SLC39A11: variants seen among roughly 807,000 people sequenced by gnomAD.
The protein encoded by SLC39A11 is solute carrier family 39 member 11, also known as zinc transporter ZIP11.
SLC39A11 carries 33 observed loss-of-function variants against 36.1 expected under a neutral mutation model. That is an observed-to-expected ratio of 0.91 (90% CI 0.69 to 1.22). The LOEUF (loss-of-function observed/expected upper bound fraction) is 1.22. Ranked by LOEUF, SLC39A11 falls within the 50% of genes most tolerant of loss-of-function variation. The probability of loss-of-function intolerance (pLI) is 0.00; values close to 1 mark genes in which losing one functional copy is unlikely to be tolerated. For synonymous variants in SLC39A11, 166 were observed against 170.3 expected, an observed-to-expected ratio of 0.97 and a Z score of 0.20; for missense variants, 432 against 430.3, an observed-to-expected ratio of 1.00 and a Z score of -0.03.
At chr17:72,909,912 C>A (rs987030549) in intron 5 of SLC39A11, among the ~76,000 whole-genome samples, 9 of 146,116 alleles carry the variant, frequency 6.2e-5, no homozygotes, top group Admixed American at 1.4e-4. Flanking sequence ...CGCCCGGCTA[C>A]TTTTTTTTTT....
chr17:73,065,302 G>A (rs1043669899), intron 3 of SLC39A11, among the ~76,000 whole-genome samples: 4 of 152,160 alleles, frequency 2.6e-5, no homozygotes, highest in African/African-American at 9.7e-5. Context: ...CTACTCGGGA[G>A]GCTGAGGCAG....
intron 6 of SLC39A11, among the ~76,000 whole-genome samples, chr17:72,762,200 T>C (rs1215631616): frequency 2.6e-5 from 4 of 152,130 alleles, no homozygotes; most frequent in Admixed American, 1.3e-4. Context: ...CAGGATGAGA[T>C]AGGAGGTTGG....
At chr17:72,926,750 T>G (rs1221906368) in intron 5 of SLC39A11, among the ~76,000 whole-genome samples, 2 of 152,124 alleles carry the variant, frequency 1.3e-5, no homozygotes, top group Non-Finnish European at 2.9e-5. Flanking sequence ...TACGTTTTAA[T>G]TAGTTGTTAT....
chr17:73,051,226 CTGTT>C (rs922229667), intron 3 of SLC39A11, among the ~76,000 whole-genome samples: 3 of 151,790 alleles, frequency 2.0e-5, no homozygotes, highest in Non-Finnish European at 3.0e-5. Flanking sequence ...CCTCACCTGT[CTGTT>C]TGTCTGTGTC....
chr17:73,021,531 G>A (rs185017094), intron 4 of SLC39A11, among the ~76,000 whole-genome samples: 71 of 152,016 alleles, frequency 4.7e-4, no homozygotes, highest in Admixed American at 1.4e-3. Context: ...TAGTACAGAC[G>A]GGGTTTCACC....
chr17:72,777,974 G>A lies in SLC39A11; in HGVS notation c.602-41255C>T, dbSNP rs963481158. 1.2e-4 allele frequency among the ~76,000 whole-genome samples: 18 copies of A among 151,976 alleles called. 1 individual carries two copies. The highest frequency in any genetic ancestry group is 4.2e-4 in the South Asian group (2 of 4,818). The stretch of plus-strand genomic sequence containing the variant: ...GGCTGGAGTGCAGTGGTGCGATGTC[G>A]GCTCACTGCAACCTCCACCTCCCAG... On this transcript the variant is annotated intron_variant, in intron 6 of 9. Coordinates refer to ENST00000255559, the MANE Select transcript of SLC39A11 (RefSeq NM_139177.4).
chr17:72,862,483 T>C (rs569034014), intron 5 of SLC39A11, among the ~76,000 whole-genome samples: 20 of 152,304 alleles, frequency 1.3e-4, no homozygotes, highest in African/African-American at 4.8e-4. Context: ...GCAGAAACGT[T>C]TGCCAGGCTG....
rs2085539231 is a variant in SLC39A11 at position 72,947,931 on chromosome 17, A to G, written c.307-56T>C. On this transcript the variant is annotated intron_variant, in intron 4 of 9. Coordinates refer to ENST00000255559, the MANE Select transcript of SLC39A11 (RefSeq NM_139177.4). ...CACCACTACTGTGTTAATTCCCCAG[A>G]TGCTTCTGGCTCACGGGCGCCAAGG... 1.9e-6 allele frequency: 3 copies of G among 1,598,066 alleles called. No homozygotes were observed. In the Admixed American group the frequency reaches 5.0e-5, roughly 27 times the overall value.
intron 7 of SLC39A11, among the ~76,000 whole-genome samples, chr17:72,689,375 G>C (rs997163778): frequency 6.6e-6 from 1 of 152,216 alleles, no homozygotes; most frequent in Non-Finnish European, 1.5e-5. Flanking sequence ...AGGCCCGATG[G>C]GGCAGTTTTG....
At chr17:72,961,258 G>A (rs536345499) in intron 4 of SLC39A11, among the ~76,000 whole-genome samples, 7 of 152,320 alleles carry the variant, frequency 4.6e-5, no homozygotes, top group South Asian at 4.1e-4. Flanking sequence ...TGGAGAGGAC[G>A]TGGAGAAATA....
At chr17:72,826,442 C>T (rs961614463) in intron 6 of SLC39A11, among the ~76,000 whole-genome samples, 7 of 152,202 alleles carry the variant, frequency 4.6e-5, no homozygotes, top group Non-Finnish European at 7.3e-5. Flanking sequence ...TGGACTAATA[C>T]AGCTGGATTT....
chr17:72,699,464 T>G (rs2072501193), intron 7 of SLC39A11, among the ~76,000 whole-genome samples: 1 of 152,092 alleles, frequency 6.6e-6, no homozygotes, highest in African/African-American at 2.4e-5. Context: ...ATCTATCCAG[T>G]CTGTTACTCT....
At chr17:72,661,328 C>A (rs1181095323) in intron 7 of SLC39A11, among the ~76,000 whole-genome samples, 1 of 151,972 alleles carries the variant, frequency 6.6e-6, no homozygotes, top group East Asian at 1.9e-4. Flanking sequence ...GAGGTGCACG[C>A]TCTCAGGAGA....
intron 3 of SLC39A11, among the ~76,000 whole-genome samples, chr17:73,072,695 G>A (rs147825105): frequency 0.017 from 2,605 of 152,222 alleles, 26 homozygotes; most frequent in Non-Finnish European, 0.025. Context: ...CAGAGGAATC[G>A]GGAGTCAGGG....
chr17:72,863,281 T>C (rs540603777), intron 5 of SLC39A11, among the ~76,000 whole-genome samples: 2 of 152,162 alleles, frequency 1.3e-5, no homozygotes, highest in Non-Finnish European at 2.9e-5. Context: ...TTCCTCTTCT[T>C]GGAATCTCTT....
intron 6 of SLC39A11, among the ~76,000 whole-genome samples, chr17:72,804,898 T>G (rs2077202101): frequency 6.6e-6 from 1 of 152,102 alleles, no homozygotes; most frequent in Non-Finnish European, 1.5e-5. Flanking sequence ...CGTGCACCTT[T>G]AATCCCATTC....
intron 5 of SLC39A11, among the ~76,000 whole-genome samples, chr17:72,857,467 G>A (rs948601382): frequency 6.6e-6 from 1 of 152,144 alleles, no homozygotes; most frequent in African/African-American, 2.4e-5. Context: ...TCTTTATGGT[G>A]GAATGCTTTC....
chr17:72,959,364 T>TATAC (rs1375295540), intron 4 of SLC39A11, among the ~76,000 whole-genome samples: 1 of 138,986 alleles, frequency 7.2e-6, no homozygotes, highest in Non-Finnish European at 1.5e-5. Context: ...TATATATATA[T>TATAC]ATGATCGAAT....
At chr17:72,827,672 T>C (rs2078088017) in intron 6 of SLC39A11, among the ~76,000 whole-genome samples, 1 of 152,218 alleles carries the variant, frequency 6.6e-6, no homozygotes, top group Non-Finnish European at 1.5e-5. Flanking sequence ...AAAAATGCTA[T>C]TGCCTTCAGC....
Sources: allele counts gnomAD v4.1 joint callset (sites outside exome capture counted in the v4.1 genomes callset), GRCh38; gene constraint gnomAD v4.1.1; transcripts MANE v1.5; gene names NCBI Gene and HGNC (gene_info 2026-07-23, HGNC 2026-07-21).